The following PLCXD2 variants were observed in gnomAD, a reference collection of about 807,000 sequenced individuals.
PLCXD2 encodes the protein PI-PLC X domain-containing protein 2.
Under a neutral mutation model 28.6 loss-of-function variants are expected in PLCXD2, and 21 were observed. The observed-to-expected ratio is 0.73, with a 90% CI of 0.52 to 1.06. PLCXD2 has a LOEUF of 1.06. PLCXD2 is among the 50% of genes least tolerant of loss of function. PLCXD2 has a pLI of 0.00. For missense variants in PLCXD2, 369 were observed against 376.7 expected, an observed-to-expected ratio of 0.98 and a Z score of 0.17; for synonymous variants, 140 against 150.1, an observed-to-expected ratio of 0.93 and a Z score of 0.49.
At chr3:111,698,740 A>G (rs1940997510) in intron 1 of PLCXD2, among the ~76,000 whole-genome samples, 1 of 152,082 alleles carries the variant, frequency 6.6e-6, no homozygotes, top group East Asian at 1.9e-4. Flanking sequence ...ATAAAAAGAG[A>G]CAGTGTCAGA....
chr3:111,697,501 C>T (rs2107852546), intron 1 of PLCXD2, among the ~76,000 whole-genome samples: 1 of 152,236 alleles, frequency 6.6e-6, no homozygotes, highest in East Asian at 1.9e-4. Context: ...TACAGAAAAA[C>T]TTCTGAAAAT....
chr3:111,685,837 T>C (rs1576454130), intron 1 of PLCXD2, among the ~76,000 whole-genome samples: 1 of 152,128 alleles, frequency 6.6e-6, no homozygotes, highest in East Asian at 1.9e-4. Context: ...GGGATTGGGG[T>C]CTATTGGACA....
At chr3:111,691,455 G>A (rs1940875221) in intron 1 of PLCXD2, 1 of 152,174 alleles carries the variant, frequency 6.6e-6, no homozygotes, top group African/African-American at 2.4e-5. Context: ...CTCAGCTGTG[G>A]AATTACAGAC....
intron 3 of PLCXD2, chr3:111,724,939 C>T (rs558491886): frequency 3.9e-5 from 6 of 152,162 alleles, no homozygotes; most frequent in Non-Finnish European, 8.8e-5. Context: ...GATTAGCTCC[C>T]CAATCATAAG....
intron 3 of PLCXD2, among the ~76,000 whole-genome samples, chr3:111,719,083 C>G (rs1941312269): frequency 6.6e-6 from 1 of 152,006 alleles, no homozygotes. Flanking sequence ...CTACTTTATA[C>G]CATAAACAAA....
intron 3 of PLCXD2, 131 bp downstream of exon 3, chr3:111,714,259 T>C (rs933908887): frequency 2.4e-6 from 3 of 1,240,184 alleles, no homozygotes; most frequent in Non-Finnish European, 3.3e-6. Context: ...CAAAAAACTT[T>C]GTATTCGAGA....
chr3:111,676,030 G>T (rs553910633), intron 1 of PLCXD2, among the ~76,000 whole-genome samples: 1 of 152,306 alleles, frequency 6.6e-6, no homozygotes, highest in East Asian at 1.9e-4. Context: ...GTATACAGGT[G>T]TCTGCCTGAC....
intron 3 of PLCXD2, among the ~76,000 whole-genome samples, chr3:111,717,383 C>T (rs1024575686): frequency 6.6e-6 from 1 of 152,180 alleles, no homozygotes; most frequent in Non-Finnish European, 1.5e-5. Context: ...GAACTGTTGC[C>T]TCACGGGCCT....
chr3:111,708,447 G>A, intron 2 of PLCXD2, 61 bp downstream of exon 2: 3 of 1,459,600 alleles, frequency 2.1e-6, no homozygotes, highest in South Asian at 2.6e-5. Context: ...TGCTTTTCCT[G>A]TATTGCCGTC....
At chr3:111,680,635 A>T (rs1428624233) in intron 1 of PLCXD2, among the ~76,000 whole-genome samples, 1 of 152,200 alleles carries the variant, frequency 6.6e-6, no homozygotes. Context: ...TTCTCTAGCC[A>T]TCTCTCCTCC....
chr3:111,688,022 G>A (rs894309915), intron 1 of PLCXD2, among the ~76,000 whole-genome samples: 1 of 152,088 alleles, frequency 6.6e-6, no homozygotes, highest in African/African-American at 2.4e-5. Context: ...CACACAGGAG[G>A]CACTATGAAA....
intron 3 of PLCXD2, chr3:111,725,476 TA>T: frequency 2.5e-6 from 1 of 396,376 alleles, no homozygotes; most frequent in Non-Finnish European, 4.4e-6. Flanking sequence ...AGCTCATTAC[TA>T]CCCCAAGGGA....
At chr3:111,715,218 T>G (rs1941252454) in intron 3 of PLCXD2, among the ~76,000 whole-genome samples, 1 of 152,220 alleles carries the variant, frequency 6.6e-6, no homozygotes, top group South Asian at 2.1e-4. Flanking sequence ...CTTGGAAAAG[T>G]GAATTTTATA....
At chr3:111,705,760 G>A (rs968403829) in intron 1 of PLCXD2, among the ~76,000 whole-genome samples, 9 of 152,066 alleles carry the variant, frequency 5.9e-5, no homozygotes, top group Middle Eastern at 3.4e-3. Flanking sequence ...GATGATTAGC[G>A]ACATGGAGCA....
At position 111,713,913 on chromosome 3, in the gene PLCXD2, C is replaced by CT. The variant is rs771748271; in HGVS notation, c.652dup (p.Tyr218LeufsTer36). On this transcript the variant is annotated frameshift_variant, in exon 3 of 5. Coordinates refer to ENST00000477665, the MANE Select transcript of PLCXD2 (RefSeq NM_001185106.1). LOFTEE classifies it high-confidence loss of function. ...TTCTTATTTTCTACCACTGTCCCTT[C>CT]TACAAGCAGTACCCCTTCCTGTGGC... The CT allele has an allele frequency of 6.2e-7, 1 of 1,613,968 alleles. No individual in the cohort carries two copies. The highest frequency in any genetic ancestry group is 1.3e-5 in the African/African-American group (1 of 75,052).
At chr3:111,725,378 C>T (rs1941401951) in intron 3 of PLCXD2, 4 of 344,336 alleles carry the variant, frequency 1.2e-5, no homozygotes, top group Non-Finnish European at 2.1e-5. Flanking sequence ...TCACTTACAA[C>T]CATTGCCTTG....
intron 1 of PLCXD2, among the ~76,000 whole-genome samples, chr3:111,680,563 A>G (rs1229827280): frequency 6.6e-6 from 1 of 152,180 alleles, no homozygotes; most frequent in East Asian, 1.9e-4. Context: ...GGTGAAAAAT[A>G]AAAAGACACT....
intron 3 of PLCXD2, among the ~76,000 whole-genome samples, chr3:111,715,356 C>A (rs1941254377): frequency 6.6e-6 from 1 of 152,148 alleles, no homozygotes; most frequent in South Asian, 2.1e-4. Context: ...TTTATATATT[C>A]ATTCAACAAA....
intron 2 of PLCXD2, 139 bp downstream of exon 2, chr3:111,708,525 A>G: frequency 1.2e-6 from 1 of 820,100 alleles, no homozygotes; most frequent in Non-Finnish European, 1.9e-6. Flanking sequence ...AACATATGCA[A>G]ACTAGTTCCT....
Sources: allele counts gnomAD v4.1 joint callset (sites outside exome capture counted in the v4.1 genomes callset), GRCh38; gene constraint gnomAD v4.1.1; transcripts MANE v1.5; gene names NCBI Gene and HGNC (gene_info 2026-07-23, HGNC 2026-07-21).